The following MSR1 variants were observed in gnomAD, a reference collection of about 807,000 sequenced individuals.
MSR1 encodes the protein macrophage scavenger receptor 1, also known as macrophage scavenger receptor types I and II.
Under a neutral mutation model 47.2 loss-of-function variants are expected in MSR1, and 53 were observed. The observed-to-expected ratio is 1.12, with a 90% CI of 0.90 to 1.41. The LOEUF is 1.41. Among genes scored for constraint, MSR1 ranks in the 40% most tolerant of loss-of-function variants. The probability of loss-of-function intolerance (pLI) is 0.00; values close to 1 mark genes in which losing one functional copy is unlikely to be tolerated. For synonymous variants in MSR1, 239 were observed against 185.6 expected (o/e 1.29, Z -2.34); for missense variants, 786 against 546.9 (o/e 1.44, Z -4.36).
chr8:16,142,771 G>C (rs1800595259), intron 8 of MSR1, among the ~76,000 whole-genome samples: 1 of 152,074 alleles, frequency 6.6e-6, no homozygotes, highest in Non-Finnish European at 1.5e-5. Flanking sequence ...CCCTGTTTGT[G>C]TTACCTATCC....
At chr8:16,126,552 G>C (rs1297154930) in intron 8 of MSR1, among the ~76,000 whole-genome samples, 1 of 152,060 alleles carries the variant, frequency 6.6e-6, no homozygotes, top group Non-Finnish European at 1.5e-5. Flanking sequence ...CTTTATTTAA[G>C]ATAATTACCT....
intron 2 of MSR1, among the ~76,000 whole-genome samples, chr8:16,176,801 T>C (rs1282419665): frequency 6.6e-6 from 1 of 152,184 alleles, no homozygotes; most frequent in Non-Finnish European, 1.5e-5. Flanking sequence ...CTGTTATCTT[T>C]TCTTACATGT....
At chr8:16,174,189 T>G (rs1252612898) in intron 3 of MSR1, among the ~76,000 whole-genome samples, 1 of 152,194 alleles carries the variant, frequency 6.6e-6, no homozygotes, top group South Asian at 2.1e-4. Flanking sequence ...TTTTGCTCTG[T>G]CTTGGAATAC....
chr8:16,108,961 G>T lies in MSR1; in HGVS notation c.*1124C>A, dbSNP rs948231329. The T allele has an allele frequency of 2.0e-5, 3 of 151,944 alleles. No homozygotes were observed. Among genetic ancestry groups the T allele is most frequent in the African/African-American group, 7.3e-5 (3 of 41,354 alleles). 9.4% of individuals were successfully genotyped at this position (151,944 alleles called of 1,614,324 possible). ...AACTTCAGAATTCTGTTATTTTCAG[G>T]GCTGAGGTTGAATTCATTTGCGCTT... On this transcript the variant is annotated 3_prime_UTR_variant, in exon 10 of 10. Coordinates refer to ENST00000262101, the MANE Select transcript of MSR1 (RefSeq NM_138715.3).
At chr8:16,128,962 G>T (rs1800192119) in intron 8 of MSR1, among the ~76,000 whole-genome samples, 1 of 152,114 alleles carries the variant, frequency 6.6e-6, no homozygotes, top group Non-Finnish European at 1.5e-5. Flanking sequence ...GTATTTCTAG[G>T]TGCAGGTAAT....
At position 16,175,275 on chromosome 8, in the gene MSR1, T is replaced by C. The variant is rs372981809; in HGVS notation, c.129A>G (p.Gln43=). Residue 43 remains glutamine, a synonymous_variant, in exon 3 of 10, where the codon CAA becomes CAG. Transcript: ENST00000262101. ...CAGCTTTGAAGGACTTCAGTTTCTC[T>C]TGAAGGGAAGGGCTGTTTTTAGGAT... ...PPNPKNSPSL[Q]EKLKSFKAAL... is the part of the protein sequence containing the mutation. 33 of 1,613,972 alleles carry C rather than the reference T, an allele frequency of 2.0e-5. No individual in the cohort carries two copies. Among genetic ancestry groups the C allele is most frequent in the Non-Finnish European group, 2.1e-5 (25 of 1,179,988 alleles).
intron 9 of MSR1, among the ~76,000 whole-genome samples, chr8:16,118,984 G>C (rs1799937885): frequency 6.6e-6 from 1 of 152,062 alleles, no homozygotes; most frequent in Non-Finnish European, 1.5e-5. Flanking sequence ...TATGGGACAG[G>C]GATGGAAAAT....
chr8:16,176,583 A>G (rs1801655453), intron 2 of MSR1, among the ~76,000 whole-genome samples: 1 of 152,118 alleles, frequency 6.6e-6, no homozygotes, highest in African/African-American at 2.4e-5. Context: ...AAAAGAACCC[A>G]TAATAGAAGC....
At chr8:16,141,137 T>C (rs1800546893) in intron 8 of MSR1, 5 of 1,449,024 alleles carry the variant, frequency 3.5e-6, no homozygotes, top group South Asian at 2.4e-5. Flanking sequence ...AAACATTCAA[T>C]ATAAATTTTC....
chr8:16,177,745 T>A (rs1801692463), intron 2 of MSR1, 141 bp downstream of exon 2: 2 of 690,040 alleles, frequency 2.9e-6, no homozygotes, highest in African/African-American at 3.6e-5. Context: ...TTTTATTCTG[T>A]CTCAAGAATA....
intron 1 of MSR1, among the ~76,000 whole-genome samples, chr8:16,190,639 C>G (rs973372159): frequency 6.6e-6 from 1 of 151,970 alleles, no homozygotes; most frequent in Non-Finnish European, 1.5e-5. Flanking sequence ...TATTTACCAT[C>G]TGTCTTTTCA....
At chr8:16,174,977 T>C (rs1213238542) in intron 3 of MSR1, among the ~76,000 whole-genome samples, 1 of 152,224 alleles carries the variant, frequency 6.6e-6, no homozygotes, top group African/African-American at 2.4e-5. Flanking sequence ...TTTTCCATTC[T>C]ATTTTGTTTT....
intron 7 of MSR1, among the ~76,000 whole-genome samples, chr8:16,147,707 C>T (rs1272796105): frequency 6.6e-6 from 1 of 152,124 alleles, no homozygotes; most frequent in Non-Finnish European, 1.5e-5. Context: ...TTTTAGTCTG[C>T]AGTACAACTA....
At chr8:16,134,691 T>C (rs1800347631) in intron 8 of MSR1, among the ~76,000 whole-genome samples, 1 of 152,110 alleles carries the variant, frequency 6.6e-6, no homozygotes, top group Non-Finnish European at 1.5e-5. Context: ...TGATAAACCT[T>C]AGTGAGAAAG....
At chr8:16,141,620 G>C (rs550725847) in intron 8 of MSR1, among the ~76,000 whole-genome samples, 2 of 152,236 alleles carry the variant, frequency 1.3e-5, no homozygotes, top group African/African-American at 4.8e-5. Context: ...TGCATGAGGA[G>C]GGAGGGCATG....
chr8:16,131,145 C>G (rs912493686), intron 8 of MSR1, among the ~76,000 whole-genome samples: 19 of 152,056 alleles, frequency 1.2e-4, no homozygotes, highest in Non-Finnish European at 2.2e-4. Context: ...ACCACAGCAT[C>G]TGTAATTTTT....
chr8:16,186,638 T>C (rs1362924158), intron 1 of MSR1, among the ~76,000 whole-genome samples: 1 of 82,338 alleles, frequency 1.2e-5, no homozygotes, highest in Non-Finnish European at 2.1e-5. Context: ...GTGACATTTC[T>C]TTTTTTTTTT....
intron 1 of MSR1, among the ~76,000 whole-genome samples, chr8:16,189,731 A>ATATATATTT (rs1802138105): frequency 2.4e-5 from 1 of 40,842 alleles, no homozygotes; most frequent in East Asian, 1.0e-3. Context: ...TATATATTTT[A>ATATATATTT]TATATATATA....
At chr8:16,140,346 G>C (rs928557201) in intron 8 of MSR1, 1 of 984,614 alleles carries the variant, frequency 1.0e-6, no homozygotes, top group Non-Finnish European at 1.2e-6. Context: ...GCTTTGGAAA[G>C]AGACCAGTAT....
Sources: allele counts gnomAD v4.1 joint callset (sites outside exome capture counted in the v4.1 genomes callset), GRCh38; gene constraint gnomAD v4.1.1; transcripts MANE v1.5; gene names NCBI Gene and HGNC (gene_info 2026-07-23, HGNC 2026-07-21).